AKAIN1: variants seen among roughly 807,000 people sequenced by gnomAD.
The protein encoded by AKAIN1 is A-kinase anchor protein inhibitor 1.
AKAIN1 carries 3 observed loss-of-function variants against 3.7 expected under a neutral mutation model. The observed-to-expected ratio is 0.82, with a 90% CI of 0.37 to 2.12. The LOEUF is 2.12. Among genes scored for constraint, AKAIN1 ranks in the 30% most tolerant of loss-of-function variants. AKAIN1 has a pLI of 0.06. For synonymous variants in AKAIN1, 31 were observed against 30.8 expected (o/e 1.01, Z -0.02); for missense variants, 82 against 82.7 (o/e 0.99, Z 0.03).
chr18:5,151,217 A>T (rs2071078196), intron 1 of AKAIN1, among the ~76,000 whole-genome samples: 1 of 152,210 alleles, frequency 6.6e-6, no homozygotes, highest in Non-Finnish European at 1.5e-5. Flanking sequence ...TGAGACTGCA[A>T]AGATAGTATG....
intron 1 of AKAIN1, among the ~76,000 whole-genome samples, chr18:5,182,859 T>C (rs551910966): frequency 6.6e-6 from 1 of 152,216 alleles, no homozygotes; most frequent in East Asian, 1.9e-4. Context: ...CTAGGAACTG[T>C]GCAAGGACAG....
intron 1 of AKAIN1, among the ~76,000 whole-genome samples, chr18:5,174,633 T>C (rs2071215897): frequency 6.6e-6 from 1 of 151,898 alleles, no homozygotes; most frequent in Non-Finnish European, 1.5e-5. Flanking sequence ...CCCAGCTACC[T>C]GGGAGGCTGA....
chr18:5,172,103 T>G (rs1275206690), intron 1 of AKAIN1, among the ~76,000 whole-genome samples: 1 of 152,120 alleles, frequency 6.6e-6, no homozygotes, highest in African/African-American at 2.4e-5. Flanking sequence ...AAGGACAAAC[T>G]TCGCATATTT....
At chr18:5,174,057 G>A (rs2071212420) in intron 1 of AKAIN1, among the ~76,000 whole-genome samples, 1 of 152,034 alleles carries the variant, frequency 6.6e-6, no homozygotes, top group Non-Finnish European at 1.5e-5. Flanking sequence ...TTCCTGCCCT[G>A]GGTTTCCTGG....
chr18:5,174,472 C>T (rs1254351790), intron 1 of AKAIN1, among the ~76,000 whole-genome samples: 1 of 152,106 alleles, frequency 6.6e-6, no homozygotes, highest in Non-Finnish European at 1.5e-5. Context: ...TCTCAAAGAG[C>T]AGAAAGCCCT....
In AKAIN1 at chr18:5,195,959, G is replaced by A. The variant is rs181039942; in HGVS notation, c.16+1079C>T. On this transcript the variant is annotated intron_variant, in intron 1 of 1. Coordinates refer to ENST00000434239, the MANE Select transcript of AKAIN1 (RefSeq NM_001145194.2). ...TAGCATTCTGAGGGGGAGGGGGAGGGGACTGACTTGCTCTTCTCAAGTTTT... is the reference window on the plus strand; with the variant it reads ...TAGCATTCTGAGGGGGAGGGGGAGGAGACTGACTTGCTCTTCTCAAGTTTT... Among the ~76,000 whole-genome samples the A allele has an allele frequency of 9.9e-4, 151 of 152,052 alleles. 1 individual carries two copies. The Middle Eastern group carries it at 0.034, about 34-fold the overall frequency.
At chr18:5,176,186 C>A (rs76307585) in intron 1 of AKAIN1, among the ~76,000 whole-genome samples, 8,978 of 152,112 alleles carry the variant, frequency 0.059, 682 homozygotes, top group African/African-American at 0.17. Context: ...CGCATGTAAT[C>A]CCAGAACTTC....
At chr18:5,188,480 T>C (rs144557112) in intron 1 of AKAIN1, among the ~76,000 whole-genome samples, 60 of 152,056 alleles carry the variant, frequency 3.9e-4, no homozygotes, top group African/African-American at 1.4e-3. Context: ...CCCCTCCCCA[T>C]TATGCTTTGC....
chr18:5,161,608 T>A (rs1225974477), intron 1 of AKAIN1, among the ~76,000 whole-genome samples: 5 of 152,146 alleles, frequency 3.3e-5, no homozygotes, highest in Admixed American at 2.0e-4. Context: ...GTTCTTAATC[T>A]CAGAGGAAAA....
At chr18:5,161,579 A>C (rs2071139606) in intron 1 of AKAIN1, among the ~76,000 whole-genome samples, 1 of 152,092 alleles carries the variant, frequency 6.6e-6, no homozygotes, top group Admixed American at 6.6e-5. Context: ...AGACTGAAAA[A>C]AAGTGGTGTT....
At chr18:5,192,384 A>ATTTT (rs1220761434) in intron 1 of AKAIN1, among the ~76,000 whole-genome samples, 1 of 97,742 alleles carries the variant, frequency 1.0e-5, no homozygotes, top group African/African-American at 4.6e-5. Context: ...CACAGAGCTA[A>ATTTT]TTTTCTTTCT....
At chr18:5,186,842 T>C (rs922405736) in intron 1 of AKAIN1, among the ~76,000 whole-genome samples, 3 of 152,188 alleles carry the variant, frequency 2.0e-5, no homozygotes, top group Admixed American at 6.5e-5. Flanking sequence ...GCAAGTTTAT[T>C]ATCCAATCAT....
chr18:5,158,578 T>C lies in AKAIN1; in HGVS notation c.17-12823A>G, dbSNP rs145205026. On this transcript the variant is annotated intron_variant, in intron 1 of 1. Coordinates refer to ENST00000434239, the MANE Select transcript of AKAIN1 (RefSeq NM_001145194.2). ...GGGGTCAGTTCTCCACTCCCTCCAT[T>C]TGGTTTCAAACACTACAGAACAAAG... Among the ~76,000 whole-genome samples, 840 of 152,326 alleles carry C rather than the reference T, an allele frequency of 5.5e-3. 7 individuals are homozygous for C. Among genetic ancestry groups the C allele is most frequent in the African/African-American group, 0.019 (796 of 41,578 alleles).
chr18:5,148,258 G>A (rs2071060439), intron 1 of AKAIN1, among the ~76,000 whole-genome samples: 1 of 152,172 alleles, frequency 6.6e-6, no homozygotes, highest in African/African-American at 2.4e-5. Context: ...CAGTGTGTAA[G>A]TAGCTCTGCT....
intron 1 of AKAIN1, among the ~76,000 whole-genome samples, chr18:5,162,582 T>C (rs2071145477): frequency 6.6e-6 from 1 of 151,602 alleles, no homozygotes; most frequent in Non-Finnish European, 1.5e-5. Context: ...AGGATAAAAA[T>C]ATGTAGTAAA....
chr18:5,186,086 C>T (rs1165520531), intron 1 of AKAIN1, among the ~76,000 whole-genome samples: 1 of 152,122 alleles, frequency 6.6e-6, no homozygotes, highest in East Asian at 1.9e-4. Context: ...ACGGATGGAG[C>T]TGGAGGCCAT....
At chr18:5,187,142 C>T (rs1017154623) in intron 1 of AKAIN1, among the ~76,000 whole-genome samples, 1 of 151,042 alleles carries the variant, frequency 6.6e-6, no homozygotes, top group African/African-American at 2.4e-5. Context: ...AAAACAAGAG[C>T]AAAACAAAGT....
chr18:5,158,345 T>G (rs2071120069), intron 1 of AKAIN1, among the ~76,000 whole-genome samples: 1 of 152,200 alleles, frequency 6.6e-6, no homozygotes. Flanking sequence ...AGACACTCCT[T>G]TGGTGCCAGC....
At chr18:5,197,389 C>A, upstream of AKAIN1, 1 of 1,262,208 alleles carries the variant, frequency 7.9e-7, no homozygotes, top group South Asian at 2.9e-5. The surrounding 1 kb of genome is among the most constrained non-coding windows in gnomAD (Gnocchi z 6.9). Flanking sequence ...CGACGAAGGT[C>A]GGAAGAGCAA....
Sources: allele counts gnomAD v4.1 joint callset (sites outside exome capture counted in the v4.1 genomes callset), GRCh38; gene constraint gnomAD v4.1.1; non-coding constraint Gnocchi (gnomAD v3.1); transcripts MANE v1.5; gene names NCBI Gene and HGNC (gene_info 2026-07-23, HGNC 2026-07-21).